MACROD2: variants seen among roughly 807,000 people sequenced by gnomAD.
MACROD2 encodes the protein ADP-ribose glycohydrolase MACROD2.
In MACROD2, 36 loss-of-function variants were observed where a neutral mutation model predicts 70.4. The ratio of observed to expected loss-of-function variants is 0.51; its 90% CI spans 0.39 to 0.68. The LOEUF is 0.68. MACROD2 is among the 30% of genes least tolerant of loss of function. The probability of loss-of-function intolerance (pLI) is 0.00; values close to 1 mark genes in which losing one functional copy is unlikely to be tolerated. For synonymous variants in MACROD2, 172 were observed against 178.8 expected (o/e 0.96, Z 0.30); for missense variants, 496 against 538.4 (o/e 0.92, Z 0.78).
chr20:15,385,507 A>G (rs2045700734), intron 6 of MACROD2, among the ~76,000 whole-genome samples: 1 of 152,168 alleles, frequency 6.6e-6, no homozygotes, highest in South Asian at 2.1e-4. Context: ...ATGGGGACAT[A>G]CTTACCTGTT....
At chr20:14,988,381 A>G (rs915563449) in intron 5 of MACROD2, among the ~76,000 whole-genome samples, 3 of 142,054 alleles carry the variant, frequency 2.1e-5, no homozygotes, top group Admixed American at 7.0e-5. Context: ...AAAAGGCTTT[A>G]TAAATATCAA....
chr20:14,192,220 G>C (rs1038315834), intron 3 of MACROD2, among the ~76,000 whole-genome samples: 1 of 152,040 alleles, frequency 6.6e-6, no homozygotes, highest in Non-Finnish European at 1.5e-5. Context: ...AGAGTTATCT[G>C]TGTATTTTTT....
chr20:15,362,711 G>GA (rs1186001426), intron 6 of MACROD2, among the ~76,000 whole-genome samples: 2 of 151,872 alleles, frequency 1.3e-5, no homozygotes, highest in East Asian at 3.9e-4. Context: ...GAATGTATAG[G>GA]AAAAAATTTA....
chr20:15,417,154 G>A (rs2046163617), intron 6 of MACROD2, among the ~76,000 whole-genome samples: 1 of 152,156 alleles, frequency 6.6e-6, no homozygotes, highest in Admixed American at 6.5e-5. Flanking sequence ...AGTAAACACA[G>A]AAAAGGACCT....
chr20:15,211,470 G>A (rs1320688162), intron 5 of MACROD2, among the ~76,000 whole-genome samples: 3 of 152,140 alleles, frequency 2.0e-5, no homozygotes, highest in Non-Finnish European at 4.4e-5. Context: ...GGCCTGGTGG[G>A]AGGTGTTTTG....
At chr20:14,983,377 G>A (rs2074819299) in intron 5 of MACROD2, among the ~76,000 whole-genome samples, 1 of 151,998 alleles carries the variant, frequency 6.6e-6, no homozygotes, top group Non-Finnish European at 1.5e-5. Flanking sequence ...GTTTTGAAAT[G>A]TGAGGACATG....
intron 8 of MACROD2, among the ~76,000 whole-genome samples, chr20:15,756,900 C>G (rs540462832): frequency 1.3e-5 from 2 of 152,322 alleles, no homozygotes; most frequent in Non-Finnish European, 2.9e-5. Context: ...TGTTACCAGG[C>G]TGCTTTCTCC....
At chr20:15,072,723 A>T (rs1368734154) in intron 5 of MACROD2, among the ~76,000 whole-genome samples, 1 of 152,142 alleles carries the variant, frequency 6.6e-6, no homozygotes, top group Non-Finnish European at 1.5e-5. Context: ...TTTTACCTGG[A>T]TATTTTACTC....
intron 2 of MACROD2, among the ~76,000 whole-genome samples, chr20:14,028,269 C>T (rs929151752): frequency 1.3e-5 from 2 of 152,272 alleles, no homozygotes; most frequent in Non-Finnish European, 2.9e-5. Flanking sequence ...CCTCCCCACC[C>T]GCCCACCAAG....
chr20:14,854,690 C>A (rs1183477237), intron 5 of MACROD2, among the ~76,000 whole-genome samples: 2 of 152,116 alleles, frequency 1.3e-5, no homozygotes, highest in African/African-American at 4.8e-5. Flanking sequence ...TTCGTGGGGA[C>A]TAAAACAACA....
intron 8 of MACROD2, among the ~76,000 whole-genome samples, chr20:15,628,796 G>A (rs918312984): frequency 2.0e-5 from 3 of 152,210 alleles, no homozygotes; most frequent in Non-Finnish European, 4.4e-5. Flanking sequence ...CCTGCATGTG[G>A]CATCTTCAGC....
intron 3 of MACROD2, among the ~76,000 whole-genome samples, chr20:14,349,644 C>G (rs1029876693): frequency 8.2e-6 from 1 of 122,178 alleles, no homozygotes; most frequent in Non-Finnish European, 1.6e-5. Flanking sequence ...ACCCTGGTAA[C>G]CATTCTTTTA....
At chr20:15,925,961 G>T (rs2065483482) in intron 10 of MACROD2, among the ~76,000 whole-genome samples, 2 of 152,098 alleles carry the variant, frequency 1.3e-5, no homozygotes, top group South Asian at 4.1e-4. Flanking sequence ...AGTTTATTTT[G>T]GGTAGAACTG....
intron 8 of MACROD2, among the ~76,000 whole-genome samples, chr20:15,617,636 G>C (rs779226632): frequency 2.0e-5 from 3 of 152,202 alleles, no homozygotes; most frequent in Non-Finnish European, 2.9e-5. Flanking sequence ...ATTCTATCTT[G>C]TTCATCATTC....
chr20:14,741,972 TTTTACTGTCATGAAGAGAGAAAAATGA>T (rs1233509732), intron 5 of MACROD2, among the ~76,000 whole-genome samples: 1 of 152,096 alleles, frequency 6.6e-6, no homozygotes, highest in African/African-American at 2.4e-5. Flanking sequence ...TACCAGACAT[TTTTACTGTCATGAAGAGAGAAAAATGA>T]TAGTTCAAGA....
chr20:14,252,503 A>G (rs2082021265), intron 3 of MACROD2, among the ~76,000 whole-genome samples: 1 of 151,814 alleles, frequency 6.6e-6, no homozygotes, highest in Admixed American at 6.6e-5. Flanking sequence ...TAATATTCAC[A>G]TATTCTATGT....
At chr20:14,825,685 C>T (rs565915622) in intron 5 of MACROD2, among the ~76,000 whole-genome samples, 1 of 152,230 alleles carries the variant, frequency 6.6e-6, no homozygotes, top group East Asian at 1.9e-4. Flanking sequence ...ACCTGTCAGG[C>T]CAAACAGGAC....
Position 14,249,677 on chromosome 20 carries a change from G to A in MACROD2, c.271+163949G>A, listed in dbSNP as rs191927376. Among the ~76,000 whole-genome samples the A allele has an allele frequency of 6.6e-5, 10 of 152,204 alleles. No homozygotes were observed. The East Asian group carries it at 1.9e-3, about 29-fold the overall frequency. ...TTGTCATATTGAGTTTGTTTTCATA[G>A]CAAGATTTATTGTTATCAAGTTCTA... On this transcript the variant is annotated intron_variant, in intron 3 of 17. Transcript: ENST00000684519.
At chr20:14,566,621 T>C (rs1979824733) in intron 4 of MACROD2, 1 of 151,956 alleles carries the variant, frequency 6.6e-6, no homozygotes, top group African/African-American at 2.4e-5. Context: ...GAGAGTTTGG[T>C]CAGGCAATAA....
Sources: gnomAD v4.1 joint callset for allele counts (sites outside exome capture counted in the v4.1 genomes callset) on GRCh38, gnomAD v4.1.1 for gene constraint, MANE v1.5 for transcripts, NCBI Gene and HGNC (gene_info 2026-07-23, HGNC 2026-07-21) for gene names.